B3GLCT: variants seen among roughly 807,000 people sequenced by gnomAD.
The protein encoded by B3GLCT is beta 3-glucosyltransferase, also known as beta-1,3-glucosyltransferase.
In B3GLCT, 65 loss-of-function variants were observed where a neutral mutation model predicts 63.4. The observed-to-expected ratio is 1.03, with a 90% CI of 0.84 to 1.26. The LOEUF is 1.26. Ranked by LOEUF, B3GLCT falls within the 50% of genes most tolerant of loss-of-function variation. The pLI, the probability that B3GLCT is intolerant of heterozygous loss-of-function variation, is 0.00. For synonymous variants in B3GLCT, 233 were observed against 219.2 expected (o/e 1.06, Z -0.55); for missense variants, 577 against 604.8 (o/e 0.95, Z 0.48).
intron 12 of B3GLCT, among the ~76,000 whole-genome samples, chr13:31,299,321 A>G (rs1874108935): frequency 6.6e-6 from 1 of 152,172 alleles, no homozygotes; most frequent in Non-Finnish European, 1.5e-5. Flanking sequence ...CATAGGCTGT[A>G]CAGTGTGTTC....
chr13:31,281,586 T>G (rs1420422717), intron 10 of B3GLCT, among the ~76,000 whole-genome samples: 3 of 152,138 alleles, frequency 2.0e-5, no homozygotes, highest in African/African-American at 7.2e-5. Context: ...CCTACAGTGT[T>G]GTGTTAGGGC....
chr13:31,234,962 C>A (rs1870574804), intron 4 of B3GLCT, among the ~76,000 whole-genome samples: 2 of 152,062 alleles, frequency 1.3e-5, no homozygotes, highest in Admixed American at 1.3e-4. Flanking sequence ...GGGCGAGGAA[C>A]CTCATTCTAA....
chr13:31,262,150 G>A (rs1872064254), intron 7 of B3GLCT, among the ~76,000 whole-genome samples: 1 of 152,056 alleles, frequency 6.6e-6, no homozygotes. Context: ...TGATGGCAGA[G>A]TCTGAAGCTC....
chr13:31,264,827 A>T (rs192614844), intron 7 of B3GLCT, among the ~76,000 whole-genome samples: 195 of 152,336 alleles, frequency 1.3e-3, no homozygotes, highest in Non-Finnish European at 2.4e-3. Flanking sequence ...AGCTATATCA[A>T]TTAGCATGCT....
chr13:31,213,103 A>C (rs1869362003), intron 1 of B3GLCT, among the ~76,000 whole-genome samples: 1 of 148,196 alleles, frequency 6.7e-6, no homozygotes, highest in Non-Finnish European at 1.5e-5. Flanking sequence ...GGTGAAAATA[A>C]AGGTGAGGGG....
rs77655384 is a variant in B3GLCT at position 31,320,382 on chromosome 13, A to G, written c.1184+2697A>G. Among the ~76,000 whole-genome samples the G allele has an allele frequency of 5.5e-3, 835 of 152,272 alleles. 12 individuals are homozygous for G. The highest frequency in any genetic ancestry group is 0.019 in the African/African-American group (802 of 41,546). On this transcript the variant is annotated intron_variant, in intron 13 of 14. Coordinates refer to ENST00000343307, the MANE Select transcript of B3GLCT (RefSeq NM_194318.4). ...CTGAGGCCACTGCTTTGGGCCCGAA[A>G]GCCCAAGAAAAGTTTTGTCTTCTAC...
intron 8 of B3GLCT, 116 bp downstream of exon 8, chr13:31,269,393 A>G: frequency 1.4e-6 from 1 of 710,304 alleles, no homozygotes; most frequent in Admixed American, 2.2e-5. Flanking sequence ...TCTACTCCCC[A>G]CAGAGATAAT....
In B3GLCT at chr13:31,261,182, G is replaced by T. The variant is rs1872014993; in HGVS notation, c.596+100G>T. The T allele has an allele frequency of 2.9e-6, 4 of 1,387,558 alleles. No homozygotes were observed. In the South Asian group the frequency reaches 5.2e-5, roughly 18 times the overall value. The allele number at this position is 1,387,558 out of a possible 1,614,324, so 86.0% of individuals were successfully genotyped here. A position where few individuals can be genotyped will look rare whatever the true frequency, so the allele number is the denominator to read the frequency against. ...TGATGGATCTCAGGATCTCAAATGAGTTTTTCAGCCAGAGGCAGTGTGTGG... is the reference window on the plus strand; with the variant it reads ...TGATGGATCTCAGGATCTCAAATGATTTTTTCAGCCAGAGGCAGTGTGTGG... On this transcript the variant is annotated intron_variant, in intron 7 of 14. Coordinates refer to ENST00000343307, the MANE Select transcript of B3GLCT (RefSeq NM_194318.4).
At chr13:31,270,331 C>G (rs1000339944) in intron 8 of B3GLCT, among the ~76,000 whole-genome samples, 1 of 152,198 alleles carries the variant, frequency 6.6e-6, no homozygotes, top group Non-Finnish European at 1.5e-5. Context: ...ACAAGACTTT[C>G]TGACTTCTCA....
Position 31,308,355 on chromosome 13 carries a change from A to AAAC in B3GLCT, c.1065-9209_1065-9208insCAA, listed in dbSNP as rs1555254575. ...AATAAAAAAAAAAAAATTAAAAAAA[A>AAAC]AAAAACAAAAAAAAAAGCTAGTCCC... is the stretch of plus-strand genomic sequence containing the variant. On this transcript the variant is annotated intron_variant, in intron 12 of 14. Coordinates refer to ENST00000343307, the MANE Select transcript of B3GLCT (RefSeq NM_194318.4). Among the ~76,000 whole-genome samples the AAAC allele has an allele frequency of 2.2e-3, 122 of 54,924 alleles. 7 individuals are homozygous for AAAC. The South Asian group carries it at 0.042, about 19-fold the overall frequency. 36.0% of individuals were successfully genotyped at this position (54,924 alleles called of 152,430 possible). A position where few individuals can be genotyped will look rare whatever the true frequency, so the allele number is the denominator to read the frequency against.
intron 6 of B3GLCT, among the ~76,000 whole-genome samples, chr13:31,257,457 AATATACCCATAGGC>A (rs1404091915): frequency 6.6e-6 from 1 of 152,002 alleles, no homozygotes; most frequent in African/African-American, 2.4e-5. Flanking sequence ...GTAATGATTT[AATATACCCATAGGC>A]AAAGTATCAA....
In B3GLCT at chr13:31,251,882, C is replaced by T. The variant is rs559445683; in HGVS notation, c.459+3916C>T. On this transcript the variant is annotated intron_variant, in intron 6 of 14. Transcript: ENST00000343307. ...ATATGGAGAACACTACAAAGATACT[C>T]CTCGAGAAGAGCAACCCCAAGACAC... Among the ~76,000 whole-genome samples the T allele has an allele frequency of 5.3e-5, 8 of 152,204 alleles. No individual in the cohort carries two copies. In the South Asian group the frequency reaches 1.7e-3, roughly 32 times the overall value.
intron 1 of B3GLCT, among the ~76,000 whole-genome samples, chr13:31,204,613 G>A (rs1173902909): frequency 6.6e-6 from 1 of 152,092 alleles, no homozygotes; most frequent in Non-Finnish European, 1.5e-5. Context: ...CATATTTTGG[G>A]GTCATCCTTA....
intron 12 of B3GLCT, among the ~76,000 whole-genome samples, chr13:31,306,488 G>A (rs1400351641): frequency 9.5e-6 from 1 of 105,356 alleles, no homozygotes; most frequent in South Asian, 3.5e-4. Context: ...GAAGTCTCAG[G>A]ATACAAAATC....
At chr13:31,270,374 G>A (rs190518466) in intron 8 of B3GLCT, among the ~76,000 whole-genome samples, 37 of 152,244 alleles carry the variant, frequency 2.4e-4, no homozygotes, top group African/African-American at 8.4e-4. Flanking sequence ...GAATATTTGA[G>A]TAGAAATAAA....
At chr13:31,272,090 C>A (rs905988634) in intron 8 of B3GLCT, among the ~76,000 whole-genome samples, 1 of 152,100 alleles carries the variant, frequency 6.6e-6, no homozygotes, top group Non-Finnish European at 1.5e-5. Flanking sequence ...CTTTTCCCCC[C>A]ACCCTCCAGT....
chr13:31,298,592 A>G (rs1874072002), intron 12 of B3GLCT, among the ~76,000 whole-genome samples: 2 of 152,216 alleles, frequency 1.3e-5, no homozygotes, highest in South Asian at 4.1e-4. Context: ...ATAACCCATT[A>G]TTCATTCCTT....
intron 12 of B3GLCT, chr13:31,311,579 C>T (rs1041488380): frequency 3.3e-5 from 5 of 152,242 alleles, no homozygotes; most frequent in African/African-American, 1.2e-4. Context: ...AAAGTAAATT[C>T]AGTAGCCTAG....
At chr13:31,216,648 G>A (rs1869578810) in intron 2 of B3GLCT, among the ~76,000 whole-genome samples, 1 of 152,172 alleles carries the variant, frequency 6.6e-6, no homozygotes, top group African/African-American at 2.4e-5. Flanking sequence ...TCCCTTATTT[G>A]TGTCCATGTG....
Sources: gnomAD v4.1 joint callset for allele counts (sites outside exome capture counted in the v4.1 genomes callset) on GRCh38, gnomAD v4.1.1 for gene constraint, MANE v1.5 for transcripts, NCBI Gene and HGNC (gene_info 2026-07-23, HGNC 2026-07-21) for gene names.